Variants in KCNT2 observed in about 807,000 individuals in gnomAD.
KCNT2 encodes potassium sodium-activated channel subfamily T member 2.
Under a neutral mutation model 153.8 loss-of-function variants are expected in KCNT2, and 67 were observed. The ratio of observed to expected loss-of-function variants is 0.44; its 90% CI spans 0.36 to 0.53. KCNT2 has a LOEUF of 0.53. Among genes scored for constraint, KCNT2 ranks in the 20% least tolerant of loss-of-function variants. The pLI, the probability that KCNT2 is intolerant of heterozygous loss-of-function variation, is 0.00. For synonymous variants in KCNT2, 500 were observed against 458.8 expected (o/e 1.09, Z -1.15); for missense variants, 975 against 1,354.8 (o/e 0.72, Z 4.40).
In KCNT2 at chr1:196,398,588, T is replaced by C. The variant is rs1671150548; in HGVS notation, c.1269A>G (p.Glu423=). The C allele has an allele frequency of 6.2e-7, 1 of 1,600,924 alleles. No individual in the cohort carries two copies. The highest frequency in any genetic ancestry group is 1.3e-5 in the African/African-American group (1 of 74,426). Residue 423 remains glutamate, a synonymous_variant, in exon 13 of 28, where the codon GAA becomes GAG. Coordinates refer to ENST00000294725, the MANE Select transcript of KCNT2 (RefSeq NM_198503.5). The part of the protein sequence containing the change: ...CPLYVQILKP[E]NKFHIKFADH... ...CAGCAAATTTGATGTGAAATTTATT[T>C]TCAGGCTTTAATATCTGGACATACA...
At chr1:196,384,281 AT>A (rs1669758928) in intron 13 of KCNT2, among the ~76,000 whole-genome samples, 1 of 152,178 alleles carries the variant, frequency 6.6e-6, no homozygotes, top group African/African-American at 2.4e-5. Flanking sequence ...GTTTTGTTTG[AT>A]AAAAATAAAT....
At chr1:196,345,729 G>T (rs1391139670) in intron 14 of KCNT2, among the ~76,000 whole-genome samples, 6 of 151,964 alleles carry the variant, frequency 3.9e-5, no homozygotes, top group Non-Finnish European at 7.4e-5. Flanking sequence ...TTAGATTCTG[G>T]GTATGTTCTG....
At chr1:196,366,882 T>C (rs985059158) in intron 14 of KCNT2, among the ~76,000 whole-genome samples, 5 of 152,154 alleles carry the variant, frequency 3.3e-5, no homozygotes, top group Admixed American at 3.3e-4. Flanking sequence ...AATAAATAAA[T>C]GGATTAGGTA....
At chr1:196,416,708 G>T (rs1572377266) in intron 12 of KCNT2, among the ~76,000 whole-genome samples, 1 of 152,042 alleles carries the variant, frequency 6.6e-6, no homozygotes, top group East Asian at 1.9e-4. Flanking sequence ...CAGAAGTTTA[G>T]ATGAAAGTTG....
intron 1 of KCNT2, among the ~76,000 whole-genome samples, chr1:196,556,459 C>G (rs898718121): frequency 2.0e-5 from 3 of 151,430 alleles, no homozygotes; most frequent in African/African-American, 7.3e-5. Flanking sequence ...TAACCTCTCA[C>G]CCGAGTTAAA....
intron 8 of KCNT2, among the ~76,000 whole-genome samples, chr1:196,457,006 A>G (rs1676729143): frequency 6.6e-6 from 1 of 151,926 alleles, no homozygotes; most frequent in African/African-American, 2.4e-5. Flanking sequence ...AAACAATTTA[A>G]TTCTCAACTG....
chr1:196,349,933 T>A (rs938393836), intron 14 of KCNT2, among the ~76,000 whole-genome samples: 2 of 151,892 alleles, frequency 1.3e-5, no homozygotes, highest in Non-Finnish European at 2.9e-5. Flanking sequence ...GTTAAATTCC[T>A]ATCTATGAGT....
At chr1:196,492,437 A>AACTTAAAG in intron 1 of KCNT2, 96 bp from the exon 2 acceptor site, 1 of 916,690 alleles carries the variant, frequency 1.1e-6, no homozygotes, top group Non-Finnish European at 1.4e-6. Context: ...GTAGTTCTCT[A>AACTTAAAG]ACTTAAAGAA....
chr1:196,508,600 A>G (rs192754263), intron 1 of KCNT2, among the ~76,000 whole-genome samples: 1 of 152,350 alleles, frequency 6.6e-6, no homozygotes, highest in East Asian at 1.9e-4. Flanking sequence ...AAGTATTAAC[A>G]AATTATTAAG....
At chr1:196,313,154 T>G (rs1200378235) in intron 21 of KCNT2, among the ~76,000 whole-genome samples, 1 of 151,630 alleles carries the variant, frequency 6.6e-6, no homozygotes, top group East Asian at 1.9e-4. Context: ...GAAAAAGCCC[T>G]CAGGTGACTA....
At chr1:196,414,204 C>T (rs762844650) in intron 12 of KCNT2, among the ~76,000 whole-genome samples, 13 of 151,604 alleles carry the variant, frequency 8.6e-5, no homozygotes, top group South Asian at 2.1e-4. Flanking sequence ...TATTTTCACA[C>T]GTAACAGATT....
At chr1:196,495,274 T>A (rs186264712) in intron 1 of KCNT2, among the ~76,000 whole-genome samples, 11 of 152,052 alleles carry the variant, frequency 7.2e-5, no homozygotes, top group South Asian at 2.1e-4. Context: ...TTTTTTTTTT[T>A]AATTTGATTT....
intron 1 of KCNT2, among the ~76,000 whole-genome samples, chr1:196,603,828 A>C (rs1188872118): frequency 3.9e-5 from 6 of 152,258 alleles, no homozygotes; most frequent in African/African-American, 1.4e-4. Flanking sequence ...ATTTATTCAC[A>C]TTAAGTGTGT....
chr1:196,504,099 T>G (rs1680918888), intron 1 of KCNT2, among the ~76,000 whole-genome samples: 1 of 152,132 alleles, frequency 6.6e-6, no homozygotes, highest in East Asian at 1.9e-4. Flanking sequence ...TAATTATTAT[T>G]ATACTTTAAG....
intron 1 of KCNT2, among the ~76,000 whole-genome samples, chr1:196,538,534 G>C (rs1572760384): frequency 6.6e-6 from 1 of 152,190 alleles, no homozygotes; most frequent in Admixed American, 6.5e-5. Context: ...AGCATTAGCA[G>C]TGTAATTATA....
At chr1:196,465,155 C>G (rs1027721356) in intron 8 of KCNT2, 138 bp downstream of exon 8, 4 of 575,090 alleles carry the variant, frequency 7.0e-6, no homozygotes, top group Non-Finnish European at 1.2e-5. Flanking sequence ...CTTCTGTAGG[C>G]GATCTGTTAC....
intron 26 of KCNT2, among the ~76,000 whole-genome samples, chr1:196,245,477 A>G (rs951731825): frequency 6.6e-6 from 1 of 152,222 alleles, no homozygotes; most frequent in Admixed American, 6.5e-5. Flanking sequence ...GAACATCCAG[A>G]AGCATCAAGA....
intron 1 of KCNT2, among the ~76,000 whole-genome samples, chr1:196,571,854 A>G (rs1660815139): frequency 6.6e-6 from 1 of 152,114 alleles, no homozygotes; most frequent in Non-Finnish European, 1.5e-5. Context: ...CAGAAATATC[A>G]GTTGTTTTAT....
At chr1:196,530,599 TAA>T (rs1348032520) in intron 1 of KCNT2, among the ~76,000 whole-genome samples, 1 of 152,034 alleles carries the variant, frequency 6.6e-6, no homozygotes, top group Non-Finnish European at 1.5e-5. Context: ...TATTATACAC[TAA>T]GTTATTAGCA....
Sources: allele counts gnomAD v4.1 joint callset (sites outside exome capture counted in the v4.1 genomes callset), GRCh38; gene constraint gnomAD v4.1.1; transcripts MANE v1.5; gene names NCBI Gene and HGNC (gene_info 2026-07-23, HGNC 2026-07-21).